Variants in ADAMTS10 observed in about 807,000 individuals in gnomAD.
ADAMTS10 encodes A disintegrin and metalloproteinase with thrombospondin motifs 10.
Under a neutral mutation model 135.9 loss-of-function variants are expected in ADAMTS10, and 48 were observed. The observed-to-expected ratio is 0.35, with a 90% confidence interval of 0.28 to 0.45. ADAMTS10 has a LOEUF of 0.45. ADAMTS10 is among the 20% of genes least tolerant of loss of function. ADAMTS10 has a pLI of 1.00. For synonymous variants in ADAMTS10, 621 were observed against 647.5 expected, an observed-to-expected ratio of 0.96 and a Z score of 0.62; for missense variants, 1,131 against 1,565.2, an observed-to-expected ratio of 0.72 and a Z score of 4.68.
At chr19:8,581,788 T>G (rs1185055013) in intron 25 of ADAMTS10, among the ~76,000 whole-genome samples, 1 of 151,280 alleles carries the variant, frequency 6.6e-6, no homozygotes, top group Non-Finnish European at 1.5e-5. Context: ...TGAGCCGCGA[T>G]TGCACCACTG....
chr19:8,592,349 G>C, intron 13 of ADAMTS10: 1 of 727,472 alleles, frequency 1.4e-6, no homozygotes. Context: ...ACAGGACCAC[G>C]ATAAGCGTGG....
rs369050914 is a variant in ADAMTS10 at position 8,581,130 on chromosome 19, C to CTTTTTTTTTTTTTTT, written c.3203-143_3203-129dup. ...CTTGGTTTCTTTCTTTTTAAATTTA[C>CTTTTTTTTTTTTTTT]TTTTTTTTTTTTTTTTTTTTTTTTT... On this transcript the variant is annotated intron_variant, in intron 25 of 25. Coordinates refer to ENST00000597188, the MANE Select transcript of ADAMTS10 (RefSeq NM_030957.4). 8.2e-4 allele frequency: 120 copies of CTTTTTTTTTTTTTTT among 147,234 alleles called. 6 individuals are homozygous for CTTTTTTTTTTTTTTT. The highest frequency in any genetic ancestry group is 1.6e-3 in the East Asian group (5 of 3,108). The allele number at this position is 147,234 out of a possible 1,614,324, so 9.1% of individuals were successfully genotyped here.
Position 8,585,286 on chromosome 19 carries a change from C to T in ADAMTS10, c.2888G>A (p.Gly963Asp). 6.6e-7 allele frequency: 1 copy of T among 1,518,708 alleles called. No individual in the cohort carries two copies. 94.1% of individuals were successfully genotyped at this position (1,518,708 alleles called of 1,614,324 possible). A position where few individuals can be genotyped will look rare whatever the true frequency, so the allele number is the denominator to read the frequency against. ...GCAAAGGACCACGCGGTGGCGGAGGCCCGGCCCGCAGCTGGGGGTGCACTG... is the reference window on the plus strand; with the variant it reads ...GCAAAGGACCACGCGGTGGCGGAGGTCCGGCCCGCAGCTGGGGGTGCACTG... ...WSECTPSCGP[G>D]LRHRVVLCKS... The change falls in exon 24 of 26, where the codon GGC becomes GAC. Residue 963 changes from glycine to aspartate, a missense_variant. Gly to Asp is a moderately conservative substitution (Grantham distance 94). Coordinates refer to ENST00000597188, the MANE Select transcript of ADAMTS10 (RefSeq NM_030957.4).
chr19:8,605,865 A>G lies in ADAMTS10; in HGVS notation c.-99-56T>C. The G allele has an allele frequency of 7.0e-7, 1 of 1,423,546 alleles. No individual in the cohort carries two copies. The highest frequency in any genetic ancestry group is 9.2e-7 in the Non-Finnish European group (1 of 1,083,860). 88.2% of individuals were successfully genotyped at this position (1,423,546 alleles called of 1,614,324 possible). On this transcript the variant is annotated intron_variant, in intron 2 of 25. Transcript: ENST00000597188. This position sits in a 1 kb window ranked among gnomAD's most constrained non-coding sequence, Gnocchi z 7.7. ...CTGGTCCCGCTGTCCAGCACAACCA[A>G]TGCCAAGGCCAATCATGGCCAAAGC...
chr19:8,595,864 T>C lies in ADAMTS10; in HGVS notation c.1377A>G (p.Arg459=), dbSNP rs782127775. ...CCACTGTCGGGTACACAAAGTCCTG[T>C]CTGGGGGGCCGGTTGTTCAGGCAGA... ...LGLCLNNRPP[R]QDFVYPTVAP... The change falls in exon 12 of 26, where the codon AGA becomes AGG. Residue 459 remains arginine (R), a synonymous_variant. Transcript: ENST00000597188. 2.5e-6 allele frequency: 4 copies of C among 1,614,216 alleles called. No homozygotes were observed. Among genetic ancestry groups the C allele is most frequent in the Non-Finnish European group, 3.4e-6 (4 of 1,180,048 alleles).
rs373008527 is a variant in ADAMTS10 at position 8,591,772 on chromosome 19, A to C, written c.1797+28T>G. On this transcript the variant is annotated intron_variant, in intron 15 of 25. Coordinates refer to ENST00000597188, the MANE Select transcript of ADAMTS10 (RefSeq NM_030957.4). ...GCTGTTTTTAATGCTTCCTCCCCCC[A>C]CCCCTCAAGGGGTTTGGGGGAACTC... 3.3e-4 allele frequency: 535 copies of C among 1,608,430 alleles called. 3 individuals are homozygous for C. In the African/African-American group the frequency reaches 6.3e-3, roughly 19 times the overall value.
intron 12 of ADAMTS10, among the ~76,000 whole-genome samples, chr19:8,593,673 G>A (rs558085860): frequency 6.6e-6 from 1 of 152,138 alleles, no homozygotes; most frequent in African/African-American, 2.4e-5. Flanking sequence ...GTGAGTTCAG[G>A]TGAAGCAAAA....
chr19:8,601,176 G>A lies in ADAMTS10; in HGVS notation c.593-31C>T, dbSNP rs1228155870. On this transcript the variant is annotated intron_variant, in intron 5 of 25. Transcript: ENST00000597188. The surrounding 1 kb of genome is among the most constrained non-coding windows in gnomAD (Gnocchi z 4.6). ...GAACCCAGTAGAGCAATTAAGCCCTGCCCTGCTGGTGGGACGCAGAGCTGC... is the reference window on the plus strand; with the variant it reads ...GAACCCAGTAGAGCAATTAAGCCCTACCCTGCTGGTGGGACGCAGAGCTGC... 6.2e-7 allele frequency: 1 copy of A among 1,608,498 alleles called. No individual in the cohort carries two copies. The highest frequency in any genetic ancestry group is 1.1e-5 in the South Asian group (1 of 90,806).
chr19:8,605,134 C>T lies in ADAMTS10; in HGVS notation c.313G>A (p.Glu105Lys). 1 of 1,613,734 alleles carries T rather than the reference C, an allele frequency of 6.2e-7. No individual in the cohort carries two copies. Among genetic ancestry groups the T allele is most frequent in the Non-Finnish European group, 8.5e-7 (1 of 1,179,900 alleles). The change falls in exon 4 of 26, where the codon GAG becomes AAG. Residue 105 changes from glutamate to lysine, a missense_variant. Coordinates refer to ENST00000597188, the MANE Select transcript of ADAMTS10 (RefSeq NM_030957.4). The surrounding 1 kb of genome is among the most constrained non-coding windows in gnomAD (Gnocchi z 7.7). ...GCCAGGCCCTCCCGTGTCCAGTACT[C>T]CACGGAGACGTGCCCTGCCAGTAGA... ...SRLLAGHVSV[E>K]YWTREGLAWQ...
intron 6 of ADAMTS10, among the ~76,000 whole-genome samples, chr19:8,600,685 A>T (rs2146092208): frequency 6.6e-6 from 1 of 151,742 alleles, no homozygotes; most frequent in Non-Finnish European, 1.5e-5. Context: ...TTTTTAGTAG[A>T]GATGGGGTTT....
intron 2 of ADAMTS10, among the ~76,000 whole-genome samples, chr19:8,606,759 C>G (rs1555742668): frequency 1.3e-5 from 2 of 152,114 alleles, no homozygotes; most frequent in African/African-American, 4.8e-5. Context: ...GGGTTATAGC[C>G]TCCGGTGGAG....
chr19:8,605,670 A>C lies in ADAMTS10; in HGVS notation c.41T>G (p.Leu14Arg). 6.2e-7 allele frequency: 1 copy of C among 1,613,272 alleles called. No individual in the cohort carries two copies. Among genetic ancestry groups the C allele is most frequent in the Non-Finnish European group, 8.5e-7 (1 of 1,179,868 alleles). Reference protein sequence around the residue: ...ACQILRWALALGLGLMFEVTH... With the variant: ...ACQILRWALARGLGLMFEVTH... The stretch of plus-strand genomic sequence containing the variant: ...GACCTCGAACATGAGGCCCAGCCCC[A>C]GGGCGAGGGCCCAGCGGAGGATCTG... The change falls in exon 3 of 26, where the codon CTG (leucine) becomes CGG (arginine). Residue 14 changes from leucine (L) to arginine (R), a missense_variant. Leu to Arg is a moderately radical substitution (Grantham distance 102, BLOSUM62 -2). Coordinates refer to ENST00000597188, the MANE Select transcript of ADAMTS10 (RefSeq NM_030957.4). This position sits in a 1 kb window ranked among gnomAD's most constrained non-coding sequence, Gnocchi z 7.7.
intron 14 of ADAMTS10, 26 bp from the exon 15 acceptor site, chr19:8,591,889 G>C (rs782054007): frequency 5.6e-6 from 9 of 1,612,852 alleles, no homozygotes; most frequent in Non-Finnish European, 7.6e-6. Context: ...GGATAGGAGA[G>C]GGATGAGGCA....
intron 5 of ADAMTS10, among the ~76,000 whole-genome samples, chr19:8,602,070 T>C (rs1452020576): frequency 6.6e-6 from 1 of 152,170 alleles, no homozygotes; most frequent in East Asian, 1.9e-4. Context: ...TGAGCAACTT[T>C]CCAATCAATG....
chr19:8,586,780 C>T lies in ADAMTS10; in HGVS notation c.2239+36G>A, dbSNP rs1555737371. ...ATGCTGAAACCGCCCTCCCCACTGA[C>T]CCCTAATCCTCATCCCCTCCCCACC... On this transcript the variant is annotated intron_variant, in intron 19 of 25. Transcript: ENST00000597188. 1.9e-6 allele frequency: 3 copies of T among 1,613,968 alleles called. No homozygotes were observed. In the South Asian group the frequency reaches 3.3e-5, roughly 18 times the overall value.
Position 8,596,960 on chromosome 19 carries a change from A to G in ADAMTS10, c.1040+27T>C. On this transcript the variant is annotated intron_variant, in intron 8 of 25. Transcript: ENST00000597188. The surrounding 1 kb of genome is among the most constrained non-coding windows in gnomAD (Gnocchi z 7.2). The stretch of plus-strand genomic sequence containing the variant: ...CTGGACCATCTGTTTTCTCAGCCCC[A>G]GTCCTAGACCTCTCCTGTCCCCTCA... 6.2e-7 allele frequency: 1 copy of G among 1,610,472 alleles called. No individual in the cohort carries two copies. Among genetic ancestry groups the G allele is most frequent in the Middle Eastern group, 1.7e-4 (1 of 5,996 alleles).
chr19:8,589,722 C>T, intron 16 of ADAMTS10, 137 bp from the exon 17 acceptor site: 3 of 1,466,444 alleles, frequency 2.0e-6, no homozygotes, highest in African/African-American at 2.8e-5. Context: ...AGTGGGGGCT[C>T]CCAGCGTCAC....
chr19:8,586,566 T>A lies in ADAMTS10; in HGVS notation c.2395A>T (p.Ile799Phe), dbSNP rs781886398. Residue 799 changes from isoleucine to phenylalanine, a missense_variant, in exon 20 of 26, where the codon ATC (isoleucine) becomes TTC (phenylalanine). By Grantham distance (21) the Ile-to-Phe change is conservative. Around this residue, in one of 3 missense-constraint regions of ADAMTS10, gnomAD observed 745 missense variants for 1,056.3 expected, o/e 0.71. Transcript: ENST00000597188. ...CCCAGTCTCCCTGTTACCATGACGA[T>A]GAGAGATGCATTAATCGGTCCCAGG... ...EALGPINASL[I>F]VMVLARTELP... is the part of the protein sequence containing the mutation. 2 of 1,613,700 alleles carry A rather than the reference T, an allele frequency of 1.2e-6. No homozygotes were observed. The highest frequency in any genetic ancestry group is 1.7e-6 in the Non-Finnish European group (2 of 1,179,974).
In ADAMTS10 at chr19:8,608,229, G is replaced by A. The variant is rs1555742924; in HGVS notation, c.-195C>T. The A allele has an allele frequency of 6.5e-6, 1 of 152,844 alleles. No individual in the cohort carries two copies. The highest frequency in any genetic ancestry group is 1.5e-5 in the Non-Finnish European group (1 of 68,642). The allele number at this position is 152,844 out of a possible 1,614,324, so 9.5% of individuals were successfully genotyped here. On this transcript the variant is annotated 5_prime_UTR_variant, in exon 2 of 26. Transcript: ENST00000597188. ...ACCTGGGCCTCCCTCTCTGGGCCTT[G>A]GTTTCTTCTTCTTTGGAGCCTGGGC... is the stretch of plus-strand genomic sequence containing the variant.
Sources: allele counts gnomAD v4.1 joint callset (sites outside exome capture counted in the v4.1 genomes callset), GRCh38; gene constraint gnomAD v4.1.1; regional missense constraint gnomAD v4.1.1; non-coding constraint Gnocchi (gnomAD v3.1); transcripts MANE v1.5; gene names NCBI Gene and HGNC (gene_info 2026-07-23, HGNC 2026-07-21).